Variants in DHRSX observed in about 807,000 individuals in gnomAD.
DHRSX encodes the protein polyprenol dehydrogenase.
Under a neutral mutation model 34.0 loss-of-function variants are expected in DHRSX, and 31 were observed. The observed-to-expected ratio is 0.91, with a 90% CI of 0.69 to 1.23. The LOEUF is 1.23. DHRSX is among the 50% of genes most tolerant of loss of function. The pLI is 0.00. For missense variants in DHRSX, 414 were observed against 428.1 expected, an observed-to-expected ratio of 0.97 and a Z score of 0.29; for synonymous variants, 201 against 183.8, an observed-to-expected ratio of 1.09 and a Z score of -0.76.
chrX:2,292,316 C>T (rs1244706403), intron 3 of DHRSX, among the ~76,000 whole-genome samples: 4 of 152,132 alleles, frequency 2.6e-5, no homozygotes, highest in Admixed American at 2.0e-4. Flanking sequence ...TTGGATTCTG[C>T]GTATAACCAT....
chrX:2,429,846 G>A (rs1392727205), intron 1 of DHRSX, among the ~76,000 whole-genome samples: 1 of 149,158 alleles, frequency 6.7e-6, no homozygotes, highest in Non-Finnish European at 1.5e-5. Context: ...CTTTGCAGAT[G>A]ATATGATGGT....
At chrX:2,394,851 G>A (rs763993847) in intron 3 of DHRSX, among the ~76,000 whole-genome samples, 24 of 151,646 alleles carry the variant, frequency 1.6e-4, no homozygotes, top group Non-Finnish European at 3.1e-4. Context: ...GGGCAACACA[G>A]TGAGACTCCG....
intron 3 of DHRSX, among the ~76,000 whole-genome samples, chrX:2,326,587 A>G (rs2042389139): frequency 6.6e-6 from 1 of 152,136 alleles, no homozygotes. Context: ...TACTTTCACA[A>G]ATTTTACCTC....
chrX:2,388,573 G>A (rs935749972), intron 3 of DHRSX, among the ~76,000 whole-genome samples: 1 of 151,680 alleles, frequency 6.6e-6, no homozygotes, highest in Non-Finnish European at 1.5e-5. Context: ...CCAGTACTGT[G>A]GGAGAATCAA....
intron 1 of DHRSX, among the ~76,000 whole-genome samples, chrX:2,463,780 A>G (rs1196855288): frequency 2.0e-5 from 3 of 151,162 alleles, no homozygotes; most frequent in African/African-American, 7.3e-5. Flanking sequence ...GGGATTCCAC[A>G]TGAGAGTCAG....
At chrX:2,440,352 C>G (rs913292087) in intron 1 of DHRSX, among the ~76,000 whole-genome samples, 2 of 151,686 alleles carry the variant, frequency 1.3e-5, no homozygotes, top group African/African-American at 4.8e-5. Flanking sequence ...AGGTGTGCAC[C>G]AGCATGGCCA....
intron 3 of DHRSX, among the ~76,000 whole-genome samples, chrX:2,332,442 C>G (rs2042491496): frequency 2.0e-5 from 3 of 152,212 alleles, no homozygotes; most frequent in African/African-American, 4.8e-5. Flanking sequence ...GAGCCACTGG[C>G]TGGATGACAG....
chrX:2,331,117 G>A (rs143860793), intron 3 of DHRSX, among the ~76,000 whole-genome samples: 2 of 152,218 alleles, frequency 1.3e-5, no homozygotes, highest in East Asian at 3.9e-4. Context: ...TCAGTGAAAT[G>A]GGCCCAAGAA....
chrX:2,340,424 C>T (rs753559217), intron 3 of DHRSX, among the ~76,000 whole-genome samples: 1 of 151,732 alleles, frequency 6.6e-6, no homozygotes, highest in African/African-American at 2.4e-5. Flanking sequence ...TGTAGTATTC[C>T]ATGGTGTGTG....
At chrX:2,460,658 A>G (rs2044390871) in intron 1 of DHRSX, among the ~76,000 whole-genome samples, 1 of 148,532 alleles carries the variant, frequency 6.7e-6, no homozygotes, top group Non-Finnish European at 1.5e-5. Flanking sequence ...ATCACGTTTC[A>G]CAGCAGCCTC....
intron 4 of DHRSX, among the ~76,000 whole-genome samples, chrX:2,287,997 C>A (rs966469225): frequency 2.6e-5 from 4 of 152,042 alleles, no homozygotes; most frequent in South Asian, 2.1e-4. Flanking sequence ...GGCAAAAGGG[C>A]CTTTGTAGAT....
At chrX:2,479,509 C>T (rs1237427257) in intron 1 of DHRSX, among the ~76,000 whole-genome samples, 1 of 151,128 alleles carries the variant, frequency 6.6e-6, no homozygotes, top group Non-Finnish European at 1.5e-5. Context: ...GCACTGAAGA[C>T]ATTCCGTAAG....
intron 3 of DHRSX, among the ~76,000 whole-genome samples, chrX:2,363,912 A>G (rs2042969266): frequency 6.6e-6 from 1 of 152,154 alleles, no homozygotes; most frequent in South Asian, 2.1e-4. Flanking sequence ...CCGGCCCAGG[A>G]TCCTGGGCAC....
At chrX:2,226,990 C>T (rs1569476465) in intron 6 of DHRSX, among the ~76,000 whole-genome samples, 1 of 150,882 alleles carries the variant, frequency 6.6e-6, no homozygotes, top group Non-Finnish European at 1.5e-5. Context: ...AGTCAGCCTT[C>T]CTCCTGCTGA....
intron 6 of DHRSX, among the ~76,000 whole-genome samples, chrX:2,227,736 G>A (rs1265781922): frequency 1.8e-3 from 4 of 2,164 alleles, no homozygotes; most frequent in African/African-American, 4.1e-3. Flanking sequence ...GGGAGGGAGG[G>A]AGGGAAGGAT....
At chrX:2,335,511 C>T (rs763384944) in intron 3 of DHRSX, among the ~76,000 whole-genome samples, 31 of 151,860 alleles carry the variant, frequency 2.0e-4, no homozygotes, top group African/African-American at 4.3e-4. Flanking sequence ...AGTGCAGTGG[C>T]GCGACCTCGG....
At chrX:2,475,256 C>A (rs892817625) in intron 1 of DHRSX, among the ~76,000 whole-genome samples, 4 of 141,638 alleles carry the variant, frequency 2.8e-5, no homozygotes, top group Non-Finnish European at 6.1e-5. Flanking sequence ...GACCAAGGGA[C>A]CCCACTGTAT....
chrX:2,400,166 T>C (rs1317948474), intron 3 of DHRSX, among the ~76,000 whole-genome samples: 1 of 152,238 alleles, frequency 6.6e-6, no homozygotes, highest in Non-Finnish European at 1.5e-5. Flanking sequence ...CATAAAGTGC[T>C]GTGATTCCAA....
At chrX:2,274,071 T>C (rs1025652339) in intron 4 of DHRSX, among the ~76,000 whole-genome samples, 1 of 152,186 alleles carries the variant, frequency 6.6e-6, no homozygotes, top group African/African-American at 2.4e-5. Flanking sequence ...AAACTCTTGC[T>C]GTGTCACCCA....
Sources: allele counts gnomAD v4.1 joint callset (sites outside exome capture counted in the v4.1 genomes callset), GRCh38; gene constraint gnomAD v4.1.1; transcripts MANE v1.5; gene names NCBI Gene and HGNC (gene_info 2026-07-23, HGNC 2026-07-21).